The following SBF2 variants were observed in gnomAD, a reference collection of about 807,000 sequenced individuals.
SBF2 encodes SET binding factor 2.
A neutral mutation model predicts 225.2 loss-of-function variants in SBF2; 112 were observed. The observed-to-expected ratio is 0.50, with a 90% CI of 0.43 to 0.58. The LOEUF (loss-of-function observed/expected upper bound fraction) is 0.58, where lower values mean the gene tolerates loss of function less well. Among genes scored for constraint, SBF2 ranks in the 20% least tolerant of loss-of-function variants. The probability of loss-of-function intolerance (pLI) is 0.00; values close to 1 mark genes in which losing one functional copy is unlikely to be tolerated. For missense variants in SBF2, 1,996 were observed against 2,206.2 expected (o/e 0.90, Z 1.91); for synonymous variants, 763 against 773.3 (o/e 0.99, Z 0.22).
At chr11:10,203,099 AAATCC>A (rs1423093662) in intron 1 of SBF2, among the ~76,000 whole-genome samples, 2 of 152,128 alleles carry the variant, frequency 1.3e-5, no homozygotes, top group African/African-American at 4.8e-5. Context: ...CAATCAAGGA[AAATCC>A]AGAAGTCCTG....
At position 9,853,898 on chromosome 11, in the gene SBF2, A is replaced by C. The variant is rs551423853; in HGVS notation, c.2364-186T>G. Among the ~76,000 whole-genome samples, 12 of 152,340 alleles carry C rather than the reference A, an allele frequency of 7.9e-5. No individual in the cohort carries two copies. The South Asian group carries it at 2.5e-3, about 32-fold the overall frequency. On this transcript the variant is annotated intron_variant, in intron 19 of 39. Coordinates refer to ENST00000256190, the MANE Select transcript of SBF2 (RefSeq NM_030962.4). ...AAAACACAATGTTCTACTAGTCTAC[A>C]TTTGGAAACTACTGTCAGGCAGTAA...
chr11:10,112,922 C>G (rs572879728), intron 2 of SBF2, among the ~76,000 whole-genome samples: 1 of 152,186 alleles, frequency 6.6e-6, no homozygotes, highest in African/African-American at 2.4e-5. Context: ...CTTCTCCTCT[C>G]CTGAATTATT....
chr11:9,935,589 G>C (rs1276645393), intron 16 of SBF2, among the ~76,000 whole-genome samples: 4 of 152,158 alleles, frequency 2.6e-5, no homozygotes, highest in Non-Finnish European at 2.9e-5. Context: ...AAACAGCATG[G>C]TACTGGTATC....
At chr11:10,220,765 C>T (rs1203035027) in intron 1 of SBF2, among the ~76,000 whole-genome samples, 2 of 152,132 alleles carry the variant, frequency 1.3e-5, no homozygotes, top group Admixed American at 6.6e-5. Flanking sequence ...TTTGACACTT[C>T]CCCCTTTCCC....
intron 3 of SBF2, among the ~76,000 whole-genome samples, chr11:10,035,210 G>A (rs1396024728): frequency 2.6e-5 from 4 of 151,930 alleles, no homozygotes; most frequent in African/African-American, 9.7e-5. Flanking sequence ...TCCTGACCTC[G>A]TGATCTGCCC....
At chr11:9,788,681 G>A (rs1449283627) in intron 35 of SBF2, among the ~76,000 whole-genome samples, 1 of 146,864 alleles carries the variant, frequency 6.8e-6, no homozygotes, top group East Asian at 2.0e-4. Flanking sequence ...TGCAAGCTCC[G>A]CCTCGCAGGT....
chr11:10,244,613 T>C (rs927795652), intron 1 of SBF2, among the ~76,000 whole-genome samples: 1 of 152,182 alleles, frequency 6.6e-6, no homozygotes, highest in Non-Finnish European at 1.5e-5. Flanking sequence ...TTTGGTACCA[T>C]ACGAATTTTA....
chr11:10,279,929 G>A (rs553134615), intron 1 of SBF2, among the ~76,000 whole-genome samples: 72 of 152,022 alleles, frequency 4.7e-4, no homozygotes, highest in Middle Eastern at 6.8e-3. Flanking sequence ...GATTACAGGC[G>A]TGAGCCACCA....
At chr11:9,943,919 C>T (rs1865423910) in intron 16 of SBF2, among the ~76,000 whole-genome samples, 1 of 152,152 alleles carries the variant, frequency 6.6e-6, no homozygotes, top group African/African-American at 2.4e-5. Flanking sequence ...CATCAGGAGA[C>T]ATCTATTAGG....
Position 10,273,099 on chromosome 11 carries a change from A to G in SBF2, c.55+20916T>C, listed in dbSNP as rs141817068. On this transcript the variant is annotated intron_variant, in intron 1 of 39. Coordinates refer to ENST00000256190, the MANE Select transcript of SBF2 (RefSeq NM_030962.4). ...AAAAAAAATAAATAAATAAATAAAT[A>G]AATGAATAAATAAATCCCTGGAGTG... Among the ~76,000 whole-genome samples the G allele has an allele frequency of 2.4e-3, 363 of 151,762 alleles. 3 individuals are homozygous for G. The highest frequency in any genetic ancestry group is 7.7e-3 in the Admixed American group (117 of 15,270).
Position 10,028,507 on chromosome 11 carries a change from T to C in SBF2, c.564A>G (p.Leu188=), listed in dbSNP as rs753515581. The C allele has an allele frequency of 2.5e-6, 4 of 1,613,864 alleles. No homozygotes were observed. In the South Asian group the frequency reaches 4.4e-5, roughly 18 times the overall value. The part of the protein sequence containing the change: ...AGDRQLIQTP[L]HDSLPITGTS... ...TGCCCGTGATAGGAAGACTATCATG[T>C]AAAGGAGTCTGGATCAACTGTCTAT... The change falls in exon 6 of 40, where the codon TTA becomes TTG. Residue 188 remains leucine, a synonymous_variant. Coordinates refer to ENST00000256190, the MANE Select transcript of SBF2 (RefSeq NM_030962.4).
At chr11:9,783,310 A>G (rs1852157532) in intron 38 of SBF2, among the ~76,000 whole-genome samples, 1 of 152,238 alleles carries the variant, frequency 6.6e-6, no homozygotes, top group African/African-American at 2.4e-5. Context: ...TGTAATCGTT[A>G]TGAAACTCCT....
At chr11:10,200,005 T>G (rs1316891800) in intron 1 of SBF2, among the ~76,000 whole-genome samples, 4 of 152,190 alleles carry the variant, frequency 2.6e-5, no homozygotes, top group African/African-American at 9.7e-5. Flanking sequence ...CATAGGGGCA[T>G]GCTATTGTAA....
At position 10,191,890 on chromosome 11, in the gene SBF2, C is replaced by G. The variant is rs536259884; in HGVS notation, c.141+2012G>C. 1.1e-4 allele frequency among the ~76,000 whole-genome samples: 17 copies of G among 152,192 alleles called. 2 individuals carry two copies. In the South Asian group the frequency reaches 3.5e-3, roughly 32 times the overall value. ...CAAAACAACACTATCCTTTCTCTGT[C>G]CTAGCTAAATAGCTATGCCAATCCA... is the stretch of plus-strand genomic sequence containing the variant. On this transcript the variant is annotated intron_variant, in intron 2 of 39. Coordinates refer to ENST00000256190, the MANE Select transcript of SBF2 (RefSeq NM_030962.4).
chr11:10,302,315 T>C (rs1326005423), intron 1 of SBF2, among the ~76,000 whole-genome samples: 1 of 152,264 alleles, frequency 6.6e-6, no homozygotes. Context: ...CCCACGAAGC[T>C]TTGGGGAGCA....
At chr11:9,840,539 T>C (rs1590196670) in intron 25 of SBF2, among the ~76,000 whole-genome samples, 1 of 152,370 alleles carries the variant, frequency 6.6e-6, no homozygotes, top group Non-Finnish European at 1.5e-5. Context: ...AAGGCTTGCT[T>C]ATTGTCAAAT....
intron 2 of SBF2, among the ~76,000 whole-genome samples, chr11:10,081,315 C>T (rs1041727260): frequency 6.6e-6 from 1 of 152,074 alleles, no homozygotes; most frequent in Admixed American, 6.6e-5. Context: ...AGAATATGCT[C>T]CTGAATGATC....
intron 2 of SBF2, among the ~76,000 whole-genome samples, chr11:10,113,429 T>C (rs1471967714): frequency 6.6e-6 from 1 of 152,178 alleles, no homozygotes; most frequent in Non-Finnish European, 1.5e-5. Context: ...CATCTGATAT[T>C]TTTCTATAGC....
intron 2 of SBF2, among the ~76,000 whole-genome samples, chr11:10,140,425 C>T (rs1954587395): frequency 6.6e-6 from 1 of 152,092 alleles, no homozygotes; most frequent in Non-Finnish European, 1.5e-5. Flanking sequence ...TCCACAAAAC[C>T]CCAAAGGACG....
Sources: allele counts gnomAD v4.1 joint callset (sites outside exome capture counted in the v4.1 genomes callset), GRCh38; gene constraint gnomAD v4.1.1; transcripts MANE v1.5; gene names NCBI Gene and HGNC (gene_info 2026-07-23, HGNC 2026-07-21).